PCDH9: variants seen among roughly 807,000 people sequenced by gnomAD.
The protein encoded by PCDH9 is protocadherin 9.
In PCDH9, 24 loss-of-function variants were observed where a neutral mutation model predicts 70.6. That is an observed-to-expected ratio of 0.34 (90% CI 0.25 to 0.48). PCDH9 has a LOEUF of 0.48. Among genes scored for constraint, PCDH9 ranks in the 20% least tolerant of loss-of-function variants. The pLI, the probability that PCDH9 is intolerant of heterozygous loss-of-function variation, is 0.99. For synonymous variants in PCDH9, 562 were observed against 558.5 expected, an observed-to-expected ratio of 1.01 and a Z score of -0.09; for missense variants, 1,281 against 1,503.6, an observed-to-expected ratio of 0.85 and a Z score of 2.45.
intron 2 of PCDH9, among the ~76,000 whole-genome samples, chr13:66,925,400 T>G (rs1180507124): frequency 2.0e-5 from 3 of 151,920 alleles, no homozygotes; most frequent in Non-Finnish European, 4.4e-5. Flanking sequence ...CTTAATATTT[T>G]AAGAATTTTC....
chr13:66,959,701 T>C lies in PCDH9; in HGVS notation c.3037-56096A>G, dbSNP rs188327292. Among the ~76,000 whole-genome samples the C allele has an allele frequency of 1.9e-4, 28 of 149,874 alleles. No homozygotes were observed. The East Asian group carries it at 4.9e-3, about 26-fold the overall frequency. ...AGGAGTTTGAGGTTGTAGTAAATTATGATTGCATCACTGCACTCCACCCTG... is the reference window on the plus strand; with the variant it reads ...AGGAGTTTGAGGTTGTAGTAAATTACGATTGCATCACTGCACTCCACCCTG... On this transcript the variant is annotated intron_variant, in intron 2 of 4. Coordinates refer to ENST00000377865, the MANE Select transcript of PCDH9 (RefSeq NM_203487.3).
chr13:66,423,179 C>A (rs1957600065), intron 4 of PCDH9, among the ~76,000 whole-genome samples: 1 of 151,704 alleles, frequency 6.6e-6, no homozygotes, highest in African/African-American at 2.4e-5. Flanking sequence ...GCCTACCAAC[C>A]AAAAAAAGCC....
At chr13:66,888,480 C>A (rs990246029) in intron 3 of PCDH9, among the ~76,000 whole-genome samples, 2 of 150,982 alleles carry the variant, frequency 1.3e-5, no homozygotes, top group African/African-American at 4.9e-5. Flanking sequence ...TGCACTCCAG[C>A]CTGGGTGACA....
At chr13:66,438,165 T>G (rs1020240629) in intron 4 of PCDH9, among the ~76,000 whole-genome samples, 2 of 150,576 alleles carry the variant, frequency 1.3e-5, no homozygotes, top group Non-Finnish European at 2.9e-5. Flanking sequence ...AACCGGGAGG[T>G]AGAGGTTGCA....
At chr13:67,051,049 T>G (rs1339841545) in intron 2 of PCDH9, among the ~76,000 whole-genome samples, 1 of 152,176 alleles carries the variant, frequency 6.6e-6, no homozygotes, top group African/African-American at 2.4e-5. Flanking sequence ...ATTATATTAA[T>G]GGCCACAAAT....
At chr13:66,447,935 G>A (rs1048554767) in intron 4 of PCDH9, among the ~76,000 whole-genome samples, 4 of 152,150 alleles carry the variant, frequency 2.6e-5, no homozygotes, top group Non-Finnish European at 1.5e-5. Context: ...TCAGTTTGGA[G>A]AACAAGAAGA....
At chr13:66,371,595 A>G (rs1485947580) in intron 4 of PCDH9, among the ~76,000 whole-genome samples, 1 of 151,898 alleles carries the variant, frequency 6.6e-6, no homozygotes, top group Non-Finnish European at 1.5e-5. Context: ...CTACAACAAA[A>G]CTCCTTAAAA....
chr13:67,081,089 G>T (rs1482030733), intron 2 of PCDH9, among the ~76,000 whole-genome samples: 3 of 152,144 alleles, frequency 2.0e-5, no homozygotes, highest in Admixed American at 6.6e-5. Flanking sequence ...TTGAAAAAAA[G>T]ATATCCATAT....
At chr13:66,990,408 T>C (rs1332783561) in intron 2 of PCDH9, among the ~76,000 whole-genome samples, 1 of 151,636 alleles carries the variant, frequency 6.6e-6, no homozygotes, top group Non-Finnish European at 1.5e-5. Context: ...AAAGAATATA[T>C]TAAGCAAATG....
chr13:67,208,346 T>A (rs973526670), intron 2 of PCDH9: 17 of 152,164 alleles, frequency 1.1e-4, no homozygotes, highest in African/African-American at 3.9e-4. Flanking sequence ...GCTTTATTTT[T>A]AGTAGCCTCC....
chr13:66,618,503 T>C (rs752340050), intron 4 of PCDH9, among the ~76,000 whole-genome samples: 4 of 152,204 alleles, frequency 2.6e-5, no homozygotes, highest in Non-Finnish European at 4.4e-5. Context: ...TTAAGGTGCA[T>C]ATGTATGTTT....
At chr13:66,987,066 T>C (rs1331151611) in intron 2 of PCDH9, among the ~76,000 whole-genome samples, 1 of 151,926 alleles carries the variant, frequency 6.6e-6, no homozygotes, top group Non-Finnish European at 1.5e-5. Flanking sequence ...AGGGCAGAGA[T>C]TTGATTTTTA....
chr13:66,928,073 C>T, intron 2 of PCDH9, among the ~76,000 whole-genome samples: 1 of 152,048 alleles, frequency 6.6e-6, no homozygotes, highest in East Asian at 1.9e-4. Flanking sequence ...AACATATTTC[C>T]TCTCTCTGAA....
intron 2 of PCDH9, among the ~76,000 whole-genome samples, chr13:67,034,138 C>T (rs2084962063): frequency 6.6e-6 from 1 of 152,034 alleles, no homozygotes; most frequent in East Asian, 1.9e-4. Context: ...GTGCATGCCA[C>T]CACACCTGGC....
intron 4 of PCDH9, among the ~76,000 whole-genome samples, chr13:66,370,232 A>C (rs1447464688): frequency 6.6e-6 from 1 of 151,994 alleles, no homozygotes; most frequent in African/African-American, 2.4e-5. Flanking sequence ...CATCCTTCTT[A>C]AATGTAATAA....
chr13:66,411,069 T>G (rs1957360709), intron 4 of PCDH9, among the ~76,000 whole-genome samples: 2 of 152,186 alleles, frequency 1.3e-5, no homozygotes, highest in Admixed American at 1.3e-4. Context: ...TCATATTACC[T>G]TTTGATTTTG....
chr13:67,065,652 C>T (rs1000899761), intron 2 of PCDH9, among the ~76,000 whole-genome samples: 2 of 152,064 alleles, frequency 1.3e-5, no homozygotes, highest in Non-Finnish European at 2.9e-5. Context: ...TGTCTACCAC[C>T]ACCACTGGTT....
intron 2 of PCDH9, among the ~76,000 whole-genome samples, chr13:67,024,625 T>C (rs1160241009): frequency 6.6e-6 from 1 of 152,130 alleles, no homozygotes; most frequent in African/African-American, 2.4e-5. Flanking sequence ...TTCAGTGATA[T>C]GACACTGGTA....
chr13:66,526,890 G>T (rs1285384463), intron 4 of PCDH9, among the ~76,000 whole-genome samples: 1 of 152,128 alleles, frequency 6.6e-6, no homozygotes, highest in African/African-American at 2.4e-5. Flanking sequence ...AAGCAAAAGT[G>T]CATAAAAGTA....
Sources: gnomAD v4.1 joint callset for allele counts (sites outside exome capture counted in the v4.1 genomes callset) on GRCh38, gnomAD v4.1.1 for gene constraint, MANE v1.5 for transcripts, NCBI Gene and HGNC (gene_info 2026-07-23, HGNC 2026-07-21) for gene names.